Variants in C3orf49 observed in about 807,000 individuals in gnomAD.
C3orf49 encodes chromosome 3 open reading frame 49, also known as putative uncharacterized protein C3orf49.
A neutral mutation model predicts 13.3 loss-of-function variants in C3orf49; 27 were observed. The ratio of observed to expected loss-of-function variants is 2.02; its 90% CI spans 1.49 to 2.79. The LOEUF is 2.79. Among genes scored for constraint, C3orf49 ranks in the 30% most tolerant of loss-of-function variants. C3orf49 has a pLI of 0.00. For missense variants in C3orf49, 242 were observed against 134.2 expected (o/e 1.80, Z -3.97); for synonymous variants, 87 against 47.6 (o/e 1.83, Z -3.40).
At chr3:63,845,178 T>G (rs1404501141) in intron 6 of C3orf49, 96 bp downstream of exon 6, 4 of 515,864 alleles carry the variant, frequency 7.8e-6, no homozygotes, top group African/African-American at 7.6e-5. Flanking sequence ...CTGCTCTCTT[T>G]AAGTATTTAA....
intron 5 of C3orf49, among the ~76,000 whole-genome samples, chr3:63,834,643 G>C (rs1055154372): frequency 2.7e-5 from 4 of 149,992 alleles, no homozygotes; most frequent in African/African-American, 9.8e-5. Flanking sequence ...CTGGGTGACA[G>C]AGCAAGACTG....
At chr3:63,840,811 T>C (rs1050615598) in intron 5 of C3orf49, among the ~76,000 whole-genome samples, 2 of 152,194 alleles carry the variant, frequency 1.3e-5, no homozygotes, top group African/African-American at 4.8e-5. Context: ...GCAAGGGTGT[T>C]AGAAAACTGC....
At chr3:63,780,959 A>C in the C3orf49 span, among the ~76,000 whole-genome samples, 3 of 151,846 alleles carry the variant, frequency 2.0e-5, no homozygotes, top group African/African-American at 7.3e-5. Context: ...CTCTGATGGT[A>C]GTTTCTTTTG....
chr3:63,781,619 C>T, the C3orf49 span, among the ~76,000 whole-genome samples: 1 of 151,992 alleles, frequency 6.6e-6, no homozygotes, highest in East Asian at 1.9e-4. Context: ...AAGTCACACT[C>T]GAGACATCAT....
the C3orf49 span, among the ~76,000 whole-genome samples, chr3:63,785,232 C>T: frequency 5.9e-5 from 9 of 151,562 alleles, no homozygotes; most frequent in African/African-American, 9.7e-5. Flanking sequence ...CCACCATGCC[C>T]GGCCATTTTT....
At chr3:63,822,266 C>T (rs1024352017) in intron 1 of C3orf49, among the ~76,000 whole-genome samples, 2 of 152,184 alleles carry the variant, frequency 1.3e-5, no homozygotes, top group Non-Finnish European at 2.9e-5. Flanking sequence ...TAAGCCACCG[C>T]GCCTGGCCCC....
At chr3:63,780,442 A>G in the C3orf49 span, among the ~76,000 whole-genome samples, 1 of 152,200 alleles carries the variant, frequency 6.6e-6, no homozygotes, top group Non-Finnish European at 1.5e-5. Context: ...GTGCCGCAAT[A>G]AACATACGTG....
chr3:63,810,079 G>C, the C3orf49 span, among the ~76,000 whole-genome samples: 1 of 151,814 alleles, frequency 6.6e-6, no homozygotes, highest in Non-Finnish European at 1.5e-5. Flanking sequence ...CCAGGATATG[G>C]AGGTTGCAGT....
intron 1 of C3orf49, among the ~76,000 whole-genome samples, chr3:63,822,504 A>G (rs113002064): frequency 0.014 from 2,074 of 152,306 alleles, 21 homozygotes; most frequent in Middle Eastern, 0.054. Flanking sequence ...GACATAAATT[A>G]TTTAATCTCT....
At chr3:63,802,471 T>C in the C3orf49 span, among the ~76,000 whole-genome samples, 1 of 152,354 alleles carries the variant, frequency 6.6e-6, no homozygotes, top group South Asian at 2.1e-4. Context: ...CGTTTAGCCT[T>C]TATCTGCAGG....
At chr3:63,798,820 C>A in the C3orf49 span, among the ~76,000 whole-genome samples, 1 of 152,112 alleles carries the variant, frequency 6.6e-6, no homozygotes, top group Admixed American at 6.6e-5. Flanking sequence ...ATTGCATAGA[C>A]CTTCCAAATA....
At chr3:63,802,657 G>A in the C3orf49 span, among the ~76,000 whole-genome samples, 47 of 152,278 alleles carry the variant, frequency 3.1e-4, no homozygotes, top group African/African-American at 1.1e-3. Context: ...GCTATTGTGT[G>A]TTGACTGCTT....
the C3orf49 span, among the ~76,000 whole-genome samples, chr3:63,783,615 G>A: frequency 6.6e-5 from 10 of 151,744 alleles, no homozygotes; most frequent in African/African-American, 1.7e-4. Flanking sequence ...CTACTTGGGA[G>A]GCTGAGGCAC....
intron 5 of C3orf49, chr3:63,835,049 A>G: frequency 9.0e-7 from 1 of 1,114,348 alleles, no homozygotes; most frequent in Non-Finnish European, 1.3e-6. Context: ...ACTGTTCAGA[A>G]ATTGAAGGTA....
At chr3:63,796,595 A>G in the C3orf49 span, among the ~76,000 whole-genome samples, 21 of 152,166 alleles carry the variant, frequency 1.4e-4, no homozygotes, top group African/African-American at 4.8e-4. Context: ...GCAATATACA[A>G]TTTTGACTAA....
the C3orf49 span, chr3:63,779,813 T>A: frequency 6.6e-6 from 1 of 152,136 alleles, no homozygotes; most frequent in Non-Finnish European, 1.5e-5. Context: ...TGCCAAGAAC[T>A]TTTCTCAACC....
At chr3:63,787,369 G>T in the C3orf49 span, among the ~76,000 whole-genome samples, 1 of 151,982 alleles carries the variant, frequency 6.6e-6, no homozygotes, top group Non-Finnish European at 1.5e-5. Context: ...ACAGACACTG[G>T]GTCTGGTTAT....
chr3:63,848,063 A>G (rs890094362), intron 6 of C3orf49, among the ~76,000 whole-genome samples: 2 of 152,176 alleles, frequency 1.3e-5, no homozygotes, highest in African/African-American at 2.4e-5. Flanking sequence ...GATACATCAC[A>G]TGACAGCAGA....
chr3:63,781,985 C>T, the C3orf49 span, among the ~76,000 whole-genome samples: 12 of 152,154 alleles, frequency 7.9e-5, no homozygotes, highest in Admixed American at 2.0e-4. Context: ...GATTTGACCC[C>T]GAGCCTATCT....
Sources: gnomAD v4.1 joint callset for allele counts (sites outside exome capture counted in the v4.1 genomes callset) on GRCh38, gnomAD v4.1.1 for gene constraint, MANE v1.5 for transcripts, NCBI Gene and HGNC (gene_info 2026-07-23, HGNC 2026-07-21) for gene names.